DHX35: variants seen among roughly 807,000 people sequenced by gnomAD.
The protein encoded by DHX35 is DEAH-box helicase 35, also known as probable ATP-dependent RNA helicase DHX35.
DHX35 carries 84 observed loss-of-function variants against 99.6 expected under a neutral mutation model. The observed-to-expected ratio is 0.84, with a 90% CI of 0.71 to 1.01. The LOEUF (loss-of-function observed/expected upper bound fraction) is 1.01, where lower values mean the gene tolerates loss of function less well. Among genes scored for constraint, DHX35 ranks in the 50% least tolerant of loss-of-function variants. DHX35 has a pLI of 0.00. For missense variants in DHX35, 852 were observed against 888.5 expected, an observed-to-expected ratio of 0.96 and a Z score of 0.52; for synonymous variants, 331 against 316.2, an observed-to-expected ratio of 1.05 and a Z score of -0.50.
At chr20:38,977,289 A>G (rs754732631) in intron 3 of DHX35, among the ~76,000 whole-genome samples, 2 of 152,018 alleles carry the variant, frequency 1.3e-5, no homozygotes, top group Admixed American at 1.3e-4. Flanking sequence ...TAGCCATTCT[A>G]TCTGGGGTGA....
intron 2 of DHX35, among the ~76,000 whole-genome samples, 183 bp from the exon 3 acceptor site, chr20:38,972,376 G>A (rs185791762): frequency 2.6e-5 from 4 of 152,174 alleles, no homozygotes; most frequent in African/African-American, 9.7e-5. Context: ...GTGTTAACAC[G>A]ATTGCAGTTG....
chr20:38,992,559 C>T, intron 7 of DHX35, 134 bp downstream of exon 7: 2 of 773,896 alleles, frequency 2.6e-6, no homozygotes, highest in African/African-American at 1.7e-5. Flanking sequence ...CCTACCCATT[C>T]AGAGAATATC....
chr20:39,016,787 G>A (rs114839954), intron 14 of DHX35, among the ~76,000 whole-genome samples: 3 of 151,196 alleles, frequency 2.0e-5, no homozygotes, highest in Non-Finnish European at 2.9e-5. Context: ...GCACCTTTTC[G>A]TGTGCTTGCT....
At chr20:39,009,132 G>C (rs6071635) in intron 12 of DHX35, among the ~76,000 whole-genome samples, 1 of 152,306 alleles carries the variant, frequency 6.6e-6, no homozygotes, top group African/African-American at 2.4e-5. Context: ...CTTCCTGTGA[G>C]CTTTTCAGCA....
Position 38,991,477 on chromosome 20 carries a change from C to A in DHX35, c.474C>A (p.Val158=). The A allele has an allele frequency of 1.2e-6, 2 of 1,613,276 alleles. No homozygotes were observed. Among genetic ancestry groups the A allele is most frequent in the South Asian group, 2.2e-5 (2 of 90,904 alleles). ...RIKFLTDGML[V]REMMVDPLLT... ...AGTTTCTTACTGATGGAATGCTGGTCAGGGAAATGATGGTTGATCCGTTGT... is the reference window on the plus strand; with the variant it reads ...AGTTTCTTACTGATGGAATGCTGGTAAGGGAAATGATGGTTGATCCGTTGT... Residue 158 remains valine, a synonymous_variant, in exon 6 of 22, where the codon GTC becomes GTA. Coordinates refer to ENST00000252011, the MANE Select transcript of DHX35 (RefSeq NM_021931.4).
chr20:38,962,490 G>C, intron 1 of DHX35, 83 bp downstream of exon 1: 2 of 1,534,558 alleles, frequency 1.3e-6, no homozygotes, highest in Non-Finnish European at 8.8e-7. Context: ...GGGGCCAGCA[G>C]ACCTGCTCGC....
intron 12 of DHX35, among the ~76,000 whole-genome samples, chr20:39,009,465 C>T (rs1474886762): frequency 1.3e-5 from 2 of 151,714 alleles, no homozygotes; most frequent in Non-Finnish European, 2.9e-5. Context: ...GAAGTTGGGT[C>T]ACCCTTGTAT....
At chr20:38,988,687 C>T in intron 4 of DHX35, 126 bp from the exon 5 acceptor site, 1 of 1,324,322 alleles carries the variant, frequency 7.6e-7, no homozygotes, top group Non-Finnish European at 1.0e-6. Flanking sequence ...AATAACTTGT[C>T]TCTTTTCATT....
chr20:39,012,366 A>G (rs926193357), intron 13 of DHX35, among the ~76,000 whole-genome samples: 12 of 152,228 alleles, frequency 7.9e-5, no homozygotes, highest in Non-Finnish European at 2.9e-5. Flanking sequence ...CTCAAAAAAT[A>G]TGAAGAGTTT....
intron 3 of DHX35, among the ~76,000 whole-genome samples, chr20:38,978,820 T>A (rs190277630): frequency 6.6e-6 from 1 of 152,328 alleles, no homozygotes; most frequent in Admixed American, 6.5e-5. Flanking sequence ...GTTTCATAAC[T>A]TTGGTCCTTT....
At chr20:38,973,745 A>G (rs960397958) in intron 3 of DHX35, among the ~76,000 whole-genome samples, 54 of 152,340 alleles carry the variant, frequency 3.5e-4, no homozygotes, top group African/African-American at 1.3e-3. Flanking sequence ...TTGCTGGCAC[A>G]CAGCCACTCC....
At chr20:39,035,921 G>A (rs1534928) in intron 21 of DHX35, among the ~76,000 whole-genome samples, 55,479 of 152,118 alleles carry the variant, frequency 0.36, 10,580 homozygotes, top group Middle Eastern at 0.51. Flanking sequence ...TATTTCAGCT[G>A]GAAAGCAGAT....
At chr20:39,008,261 C>T (rs141022927) in intron 12 of DHX35, among the ~76,000 whole-genome samples, 1 of 152,350 alleles carries the variant, frequency 6.6e-6, no homozygotes, top group African/African-American at 2.4e-5. Flanking sequence ...AGATAAACCA[C>T]ACTTTGTTTA....
intron 19 of DHX35, 109 bp downstream of exon 19, chr20:39,028,608 C>T: frequency 8.2e-7 from 1 of 1,218,682 alleles, no homozygotes; most frequent in Non-Finnish European, 1.2e-6. Flanking sequence ...TTTGTAATTT[C>T]TACCATGTCT....
rs549319245 is a variant in DHX35, at chr20:39,023,850, G to T, written c.1671+83G>T. On this transcript the variant is annotated intron_variant, in intron 17 of 21. Coordinates refer to ENST00000252011, the MANE Select transcript of DHX35 (RefSeq NM_021931.4). ...TAGGAGGGAGGATCCCAGAAGTTCA[G>T]TTCGTAAAGGAATGTCCAAGAGAGC... The T allele has an allele frequency of 1.0e-4, 117 of 1,170,136 alleles. No individual in the cohort carries two copies. In the Middle Eastern group the frequency reaches 2.6e-3, roughly 26 times the overall value. The allele number at this position is 1,170,136 out of a possible 1,614,324, so 72.5% of individuals were successfully genotyped here.
At chr20:38,973,733 C>T (rs1001966329) in intron 3 of DHX35, among the ~76,000 whole-genome samples, 22 of 152,224 alleles carry the variant, frequency 1.4e-4, no homozygotes, top group Non-Finnish European at 2.9e-4. Context: ...GTAGAGAAAT[C>T]TTTGCTGGCA....
intron 20 of DHX35, among the ~76,000 whole-genome samples, chr20:39,032,943 A>C (rs894546769): frequency 6.6e-6 from 1 of 152,182 alleles, no homozygotes; most frequent in African/African-American, 2.4e-5. Flanking sequence ...CAGGATACGC[A>C]CACTCGTGTG....
intron 18 of DHX35, among the ~76,000 whole-genome samples, chr20:39,025,934 C>T (rs1373079542): frequency 6.6e-6 from 1 of 152,052 alleles, no homozygotes; most frequent in African/African-American, 2.4e-5. Context: ...TGTGAGGTGT[C>T]GGTAATGTTA....
chr20:39,035,178 A>T (rs8115074), intron 21 of DHX35, among the ~76,000 whole-genome samples: 55,508 of 151,760 alleles, frequency 0.37, 10,591 homozygotes, highest in Middle Eastern at 0.52. Flanking sequence ...TTCAAGTGAT[A>T]CTCCTGCCTC....
Sources: gnomAD v4.1 joint callset for allele counts (sites outside exome capture counted in the v4.1 genomes callset) on GRCh38, gnomAD v4.1.1 for gene constraint, MANE v1.5 for transcripts, NCBI Gene and HGNC (gene_info 2026-07-23, HGNC 2026-07-21) for gene names.